The following FSTL5 variants were observed in gnomAD, a reference collection of about 807,000 sequenced individuals.
FSTL5 encodes follistatin-related protein 5.
A neutral mutation model predicts 89.1 loss-of-function variants in FSTL5; 62 were observed. That is an observed-to-expected ratio of 0.70 (90% CI 0.57 to 0.86). The LOEUF (loss-of-function observed/expected upper bound fraction) is 0.86. Ranked by LOEUF, FSTL5 falls within the 40% of genes least tolerant of loss-of-function variation. The pLI, the probability that FSTL5 is intolerant of heterozygous loss-of-function variation, is 0.00. For synonymous variants in FSTL5, 383 were observed against 346.2 expected (o/e 1.11, Z -1.18); for missense variants, 1,057 against 1,001.6 (o/e 1.06, Z -0.75).
At chr4:161,818,115 C>G (rs150187814) in intron 4 of FSTL5, among the ~76,000 whole-genome samples, 2 of 152,238 alleles carry the variant, frequency 1.3e-5, no homozygotes, top group East Asian at 3.9e-4. Flanking sequence ...AGCACATCAG[C>G]GGAGGAACAC....
rs1461586196 is a variant in FSTL5 at position 161,386,237 on chromosome 4, G to A, written c.2054C>T (p.Ser685Leu). The change falls in exon 16 of 16, where the codon TCA becomes TTA. Residue 685 changes from serine (S) to leucine (L), a missense_variant. Coordinates refer to ENST00000306100, the MANE Select transcript of FSTL5 (RefSeq NM_020116.5). ...CACATCACTATTGAACCCAATGACT[G>A]AGTCAGTTACACCGTCCACCATGAC... ...PQVMVDGVTD[S>L]VIGFNSDVTG... 5 of 1,613,994 alleles carry A rather than the reference G, an allele frequency of 3.1e-6. No homozygotes were observed. In the Admixed American group the frequency reaches 8.3e-5, roughly 27 times the overall value.
At chr4:161,654,420 A>C (rs941751617) in intron 7 of FSTL5, among the ~76,000 whole-genome samples, 5 of 152,122 alleles carry the variant, frequency 3.3e-5, no homozygotes, top group African/African-American at 1.2e-4. Flanking sequence ...GCAAATCCAC[A>C]ATGATGCTGT....
At chr4:161,892,099 T>C (rs542476953) in intron 4 of FSTL5, among the ~76,000 whole-genome samples, 10 of 152,044 alleles carry the variant, frequency 6.6e-5, no homozygotes, top group Admixed American at 3.3e-4. Context: ...TTTCCTGATG[T>C]ACTTATTTCA....
At chr4:161,960,622 CTT>C (rs1426800375) in intron 3 of FSTL5, among the ~76,000 whole-genome samples, 2 of 151,908 alleles carry the variant, frequency 1.3e-5, no homozygotes, top group African/African-American at 4.8e-5. Context: ...CTAAAAACAA[CTT>C]ATGTTAAATT....
Position 161,512,384 on chromosome 4 carries a change from G to GA in FSTL5, c.1313-1961dup, listed in dbSNP as rs370892448. On this transcript the variant is annotated intron_variant, in intron 10 of 15. Coordinates refer to ENST00000306100, the MANE Select transcript of FSTL5 (RefSeq NM_020116.5). ...GACAAAAAGTAATCAAATGATGACA[G>GA]AAAAAAATTCAAAGTTATGAATTTA... is the stretch of plus-strand genomic sequence containing the variant. Among the ~76,000 whole-genome samples, 54 of 152,066 alleles carry GA rather than the reference G, an allele frequency of 3.6e-4. 1 individual carries two copies. The East Asian group carries it at 6.0e-3, about 17-fold the overall frequency.
At chr4:161,659,678 T>G (rs1328847094) in intron 6 of FSTL5, among the ~76,000 whole-genome samples, 2 of 152,132 alleles carry the variant, frequency 1.3e-5, no homozygotes, top group Non-Finnish European at 1.5e-5. Context: ...TAAAAACGAT[T>G]TTTATATCTA....
chr4:162,129,211 G>A (rs769820428), intron 1 of FSTL5, among the ~76,000 whole-genome samples: 3 of 152,178 alleles, frequency 2.0e-5, no homozygotes, highest in Non-Finnish European at 2.9e-5. Context: ...GGGATTACAG[G>A]TGTGAACGAC....
chr4:161,550,512 C>CT (rs201045373), intron 8 of FSTL5, among the ~76,000 whole-genome samples: 3 of 150,538 alleles, frequency 2.0e-5, no homozygotes, highest in Non-Finnish European at 4.4e-5. Context: ...AAACAAATAA[C>CT]TTTTTTTTGT....
chr4:161,710,414 C>T (rs1455242564), intron 6 of FSTL5, among the ~76,000 whole-genome samples: 2 of 152,094 alleles, frequency 1.3e-5, no homozygotes, highest in Non-Finnish European at 2.9e-5. Flanking sequence ...GGAAGAATTG[C>T]TTTCTACAAG....
intron 6 of FSTL5, among the ~76,000 whole-genome samples, chr4:161,665,347 T>C (rs991757379): frequency 6.6e-6 from 1 of 152,136 alleles, no homozygotes. Context: ...GTTCACGCCA[T>C]TCTCCTCCCT....
intron 12 of FSTL5, among the ~76,000 whole-genome samples, chr4:161,488,435 C>A (rs1729751627): frequency 6.6e-6 from 1 of 151,926 alleles, no homozygotes; most frequent in Non-Finnish European, 1.5e-5. Flanking sequence ...TTCAGCTATA[C>A]AATAAAAACA....
chr4:162,120,799 A>G (rs1346981330), intron 1 of FSTL5, among the ~76,000 whole-genome samples: 2 of 152,002 alleles, frequency 1.3e-5, no homozygotes, highest in Non-Finnish European at 2.9e-5. Context: ...GAAAGAAAAA[A>G]CACACATGTA....
intron 7 of FSTL5, among the ~76,000 whole-genome samples, chr4:161,602,820 C>A (rs1422519574): frequency 1.3e-5 from 2 of 152,036 alleles, no homozygotes; most frequent in Non-Finnish European, 2.9e-5. Flanking sequence ...GCAAAAGTAC[C>A]TTTGTAGTAT....
At chr4:161,713,693 G>A (rs1226210461) in intron 6 of FSTL5, among the ~76,000 whole-genome samples, 2 of 151,674 alleles carry the variant, frequency 1.3e-5, no homozygotes, top group African/African-American at 4.8e-5. Context: ...TATATTTAGG[G>A]TTTTGTATTA....
chr4:161,626,754 A>C (rs1735330644), intron 7 of FSTL5, among the ~76,000 whole-genome samples: 1 of 152,238 alleles, frequency 6.6e-6, no homozygotes, highest in African/African-American at 2.4e-5. Context: ...TGATGCCGTT[A>C]AGAACATTCA....
chr4:162,143,748 A>ACACCC (rs1363446909), intron 1 of FSTL5, among the ~76,000 whole-genome samples: 5 of 127,680 alleles, frequency 3.9e-5, no homozygotes, highest in African/African-American at 1.7e-4. Context: ...ACACACACAC[A>ACACCC]CCCAGGAAAA....
chr4:161,745,178 A>T (rs867443248), intron 6 of FSTL5, among the ~76,000 whole-genome samples: 7 of 152,196 alleles, frequency 4.6e-5, no homozygotes, highest in African/African-American at 7.2e-5. Flanking sequence ...ATAAACTATT[A>T]AAAAAGCCCT....
chr4:161,615,444 C>CAAAAAAAAA, intron 7 of FSTL5, among the ~76,000 whole-genome samples: 1 of 87,438 alleles, frequency 1.1e-5, no homozygotes, highest in Non-Finnish European at 2.4e-5. Context: ...GACTCCATCT[C>CAAAAAAAAA]AAAAAAAAAA....
chr4:161,528,963 A>G (rs368915558), intron 10 of FSTL5, among the ~76,000 whole-genome samples: 2 of 143,188 alleles, frequency 1.4e-5, no homozygotes, highest in East Asian at 2.4e-4. Context: ...AAATTTCATC[A>G]TCATCATCAA....
Sources: allele counts gnomAD v4.1 joint callset (sites outside exome capture counted in the v4.1 genomes callset), GRCh38; gene constraint gnomAD v4.1.1; transcripts MANE v1.5; gene names NCBI Gene and HGNC (gene_info 2026-07-23, HGNC 2026-07-21).